Variants in RSPH14 observed in about 807,000 individuals in gnomAD.
RSPH14 encodes rhabdoid tumor deletion region gene 1.
RSPH14 carries 20 observed loss-of-function variants against 26.7 expected under a neutral mutation model. The observed-to-expected ratio is 0.75, with a 90% CI of 0.53 to 1.09. The LOEUF is 1.09. Among genes scored for constraint, RSPH14 ranks in the 50% least tolerant of loss-of-function variants. RSPH14 has a pLI of 0.00. For synonymous variants in RSPH14, 177 were observed against 189.3 expected, an observed-to-expected ratio of 0.93 and a Z score of 0.53; for missense variants, 449 against 457.2, an observed-to-expected ratio of 0.98 and a Z score of 0.16.
At chr22:23,169,790 G>T in the RSPH14 span, among the ~76,000 whole-genome samples, 1 of 152,132 alleles carries the variant, frequency 6.6e-6, no homozygotes, top group South Asian at 2.1e-4. Context: ...ACCCACAAGG[G>T]GCCTTTGGGT....
Position 23,141,965 on chromosome 22 carries a change from T to C in RSPH14, c.-69A>G. 1 of 985,620 alleles carries C rather than the reference T, an allele frequency of 1.0e-6. No homozygotes were observed. The highest frequency in any genetic ancestry group is 1.2e-6 in the Non-Finnish European group (1 of 830,080). 61.1% of individuals were successfully genotyped at this position (985,620 alleles called of 1,614,324 possible). On this transcript the variant is annotated 5_prime_UTR_variant, in exon 1 of 7. Coordinates refer to ENST00000216036, the MANE Select transcript of RSPH14 (RefSeq NM_014433.3). ...CCGCCTCACCTGCCTCCGCAGCCCT[T>C]TCTGCTTCCAGTAGCCCGCGCCACT...
At chr22:23,073,351 G>A (rs1357293270) in intron 4 of RSPH14, among the ~76,000 whole-genome samples, 1 of 152,260 alleles carries the variant, frequency 6.6e-6, no homozygotes, top group African/African-American at 2.4e-5. Context: ...GCCCCAGGCA[G>A]AATCCCAGAG....
At chr22:23,164,610 A>G in the RSPH14 span, among the ~76,000 whole-genome samples, 1 of 152,102 alleles carries the variant, frequency 6.6e-6, no homozygotes, top group Non-Finnish European at 1.5e-5. Context: ...GGGCAGAGGC[A>G]CTTTCTGTTG....
intron 4 of RSPH14, among the ~76,000 whole-genome samples, chr22:23,130,068 AAAGAAAGAAAGAAAGG>A (rs1268396126): frequency 0.043 from 1,497 of 34,818 alleles, 108 homozygotes; most frequent in African/African-American, 0.13. Context: ...AAAAAGAAAG[AAAGAAAGAAAGAAAGG>A]AAGAAAGAAA....
At chr22:23,138,548 T>C (rs951806454) in intron 3 of RSPH14, among the ~76,000 whole-genome samples, 3 of 150,626 alleles carry the variant, frequency 2.0e-5, no homozygotes, top group Non-Finnish European at 4.4e-5. Context: ...GGTGACAGAG[T>C]GAGAGACTGT....
rs759739722 is a variant in RSPH14 at position 23,061,822 on chromosome 22, T to C, written c.777A>G (p.Thr259=). 1.9e-6 allele frequency: 3 copies of C among 1,613,820 alleles called. No homozygotes were observed. Among genetic ancestry groups the C allele is most frequent in the Non-Finnish European group, 2.5e-6 (3 of 1,179,984 alleles). The change falls in exon 6 of 7, where the codon ACA becomes ACG. Residue 259 remains threonine, a synonymous_variant. Transcript: ENST00000216036. ...SNAAGALMFA[T]VITEGKYAAL... ...CCACCGCCTCACCTTCAGTGATCAC[T>C]GTGGCGAACATCAGGGCACCGGCAG...
chr22:23,096,608 G>A (rs1324981299), intron 4 of RSPH14, among the ~76,000 whole-genome samples: 2 of 152,300 alleles, frequency 1.3e-5, no homozygotes, highest in East Asian at 3.9e-4. Flanking sequence ...GAGTGCAGGT[G>A]TCATGTCCCA....
At chr22:23,161,749 T>C in the RSPH14 span, 3 of 589,544 alleles carry the variant, frequency 5.1e-6, no homozygotes, top group Admixed American at 3.0e-5. Context: ...CCGTTGCAGG[T>C]TGGGCACTAG....
intron 4 of RSPH14, among the ~76,000 whole-genome samples, chr22:23,105,247 G>A (rs781733624): frequency 1.6e-4 from 24 of 152,236 alleles, no homozygotes; most frequent in Admixed American, 5.2e-4. Flanking sequence ...CCAGAGCCTC[G>A]AAGGCAACTT....
chr22:23,067,958 A>G (rs1350092508), intron 4 of RSPH14, among the ~76,000 whole-genome samples: 1 of 152,122 alleles, frequency 6.6e-6, no homozygotes, highest in Non-Finnish European at 1.5e-5. Flanking sequence ...GACAACTCAC[A>G]TTGTCTGTGG....
At chr22:23,171,426 C>T in the RSPH14 span, among the ~76,000 whole-genome samples, 24 of 152,332 alleles carry the variant, frequency 1.6e-4, no homozygotes, top group African/African-American at 5.8e-4. Context: ...AACCCTCCCA[C>T]CTCAGCCTCT....
chr22:23,113,095 G>A (rs568744747), intron 4 of RSPH14, among the ~76,000 whole-genome samples: 36 of 152,266 alleles, frequency 2.4e-4, no homozygotes, highest in African/African-American at 8.4e-4. Context: ...CTGCCCCTGC[G>A]GCTGACCCTG....
chr22:23,176,955 G>A, the RSPH14 span, among the ~76,000 whole-genome samples: 744 of 152,348 alleles, frequency 4.9e-3, 5 homozygotes, highest in African/African-American at 0.017. Context: ...GGGGCAGCTC[G>A]TGGCTGCCAC....
upstream of RSPH14, chr22:23,146,827 C>G: frequency 7.1e-7 from 1 of 1,411,076 alleles, no homozygotes; most frequent in Non-Finnish European, 9.3e-7. Context: ...AGCTGGGAGA[C>G]TGGTCACTGA....
chr22:23,179,161 T>G, the RSPH14 span, among the ~76,000 whole-genome samples: 1 of 152,200 alleles, frequency 6.6e-6, no homozygotes, highest in Admixed American at 6.5e-5. Flanking sequence ...TCAAAGTATC[T>G]GCTCCAGATG....
intron 4 of RSPH14, among the ~76,000 whole-genome samples, chr22:23,092,200 G>A (rs1374926871): frequency 2.0e-5 from 3 of 152,190 alleles, no homozygotes; most frequent in South Asian, 4.1e-4. Context: ...AGCATGTCCA[G>A]TAAAGCCCGG....
At chr22:23,073,827 C>T (rs2068438926) in intron 4 of RSPH14, among the ~76,000 whole-genome samples, 1 of 152,132 alleles carries the variant, frequency 6.6e-6, no homozygotes, top group Admixed American at 6.5e-5. Flanking sequence ...ACGTAGCATC[C>T]ACTCACAGTG....
Position 23,059,672 on chromosome 22 carries a change from C to G in RSPH14, c.837G>C (p.Glu279Asp). ...CTATGGTCATGGGGGAGTGCAGCAG[C>G]TCCAGGAGCAGGCCGATGGCTTGTG... is the stretch of plus-strand genomic sequence containing the variant. ...LEAQAIGLLL[E>D]LLHSPMTIAR... The change falls in exon 7 of 7, where the codon GAG becomes GAC. Residue 279 changes from glutamate to aspartate, a missense_variant. Glu to Asp is a conservative substitution (Grantham distance 45). Coordinates refer to ENST00000216036, the MANE Select transcript of RSPH14 (RefSeq NM_014433.3). The G allele has an allele frequency of 6.3e-7, 1 of 1,575,286 alleles. No individual in the cohort carries two copies. The highest frequency in any genetic ancestry group is 8.6e-7 in the Non-Finnish European group (1 of 1,159,502).
At chr22:23,172,391 G>A in the RSPH14 span, among the ~76,000 whole-genome samples, 4 of 149,428 alleles carry the variant, frequency 2.7e-5, no homozygotes, top group African/African-American at 5.0e-5. Flanking sequence ...ACTCCAGCCT[G>A]GGTGACAGAG....
Sources: gnomAD v4.1 joint callset for allele counts (sites outside exome capture counted in the v4.1 genomes callset) on GRCh38, gnomAD v4.1.1 for gene constraint, MANE v1.5 for transcripts, NCBI Gene and HGNC (gene_info 2026-07-23, HGNC 2026-07-21) for gene names.